Variants in TMOD3 observed in about 807,000 individuals in gnomAD.
TMOD3 encodes tropomodulin-3.
TMOD3 carries 20 observed loss-of-function variants against 39.2 expected under a neutral mutation model. The observed-to-expected ratio is 0.51, with a 90% CI of 0.36 to 0.74. The LOEUF (loss-of-function observed/expected upper bound fraction) is 0.74. Ranked by LOEUF, TMOD3 falls within the 30% of genes least tolerant of loss-of-function variation. The probability of loss-of-function intolerance (pLI) is 0.00; values close to 1 mark genes in which losing one functional copy is unlikely to be tolerated. For missense variants in TMOD3, 381 were observed against 412.8 expected (o/e 0.92, Z 0.67); for synonymous variants, 143 against 145.8 (o/e 0.98, Z 0.14).
chr15:51,834,532 A>G (rs554477774), intron 1 of TMOD3, among the ~76,000 whole-genome samples: 1 of 152,310 alleles, frequency 6.6e-6, no homozygotes, highest in South Asian at 2.1e-4. Context: ...TAGGTTTAAG[A>G]AAAACTTCCC....
At chr15:51,902,873 G>A (rs866145933) in intron 9 of TMOD3, among the ~76,000 whole-genome samples, 4 of 151,434 alleles carry the variant, frequency 2.6e-5, no homozygotes, top group East Asian at 3.9e-4. Flanking sequence ...GGATGGTCTC[G>A]ATCTCCTGAC....
intron 9 of TMOD3, among the ~76,000 whole-genome samples, chr15:51,902,456 T>A (rs2056655649): frequency 1.3e-5 from 2 of 152,054 alleles, no homozygotes; most frequent in African/African-American, 4.8e-5. Context: ...ATAATTATAT[T>A]TCTCACCCAG....
At chr15:51,883,449 GT>G (rs1187132982) in intron 3 of TMOD3, among the ~76,000 whole-genome samples, 6 of 152,034 alleles carry the variant, frequency 3.9e-5, no homozygotes, top group Non-Finnish European at 8.8e-5. Flanking sequence ...TTGATAGCTT[GT>G]TTAGTTTTTT....
At chr15:51,841,799 T>G (rs1474441830) in intron 1 of TMOD3, among the ~76,000 whole-genome samples, 2 of 152,218 alleles carry the variant, frequency 1.3e-5, no homozygotes, top group Non-Finnish European at 2.9e-5. Flanking sequence ...AGATGGAGTC[T>G]CATTCTGTCA....
At chr15:51,846,932 G>A (rs2056338627) in intron 1 of TMOD3, among the ~76,000 whole-genome samples, 1 of 152,158 alleles carries the variant, frequency 6.6e-6, no homozygotes, top group Non-Finnish European at 1.5e-5. Flanking sequence ...GGTATGCTAA[G>A]GGTGTGGCTA....
At chr15:51,860,539 A>G in intron 1 of TMOD3, 1 of 576,020 alleles carries the variant, frequency 1.7e-6, no homozygotes, top group Non-Finnish European at 3.4e-6. Flanking sequence ...TCCATTTCCC[A>G]TTTGGCTGCC....
chr15:51,837,471 A>G (rs1226676159), intron 1 of TMOD3, among the ~76,000 whole-genome samples: 1 of 150,386 alleles, frequency 6.6e-6, no homozygotes, highest in Non-Finnish European at 1.5e-5. Context: ...GTGCTAGACC[A>G]GCTGAGGAGT....
At chr15:51,852,780 A>G (rs1012823317) in intron 1 of TMOD3, among the ~76,000 whole-genome samples, 1 of 152,238 alleles carries the variant, frequency 6.6e-6, no homozygotes, top group African/African-American at 2.4e-5. Flanking sequence ...TGGCAATGGC[A>G]GCCCAGTGGG....
At chr15:51,903,687 G>T (rs1160526551) in intron 9 of TMOD3, among the ~76,000 whole-genome samples, 1 of 152,154 alleles carries the variant, frequency 6.6e-6, no homozygotes, top group East Asian at 1.9e-4. Flanking sequence ...TCACTAGTTA[G>T]CTTCTATTTT....
Position 51,862,841 on chromosome 15 carries a change from T to G in TMOD3, c.-44T>G. ...AGAAAAAGTAGAGATCACTTCTGAC[T>G]GTACTGAACAGCAAAAATTAAGTGA... On this transcript the variant is annotated 5_prime_UTR_variant, in exon 2 of 10. Transcript: ENST00000308580. The G allele has an allele frequency of 6.3e-7, 1 of 1,578,948 alleles. No homozygotes were observed. The highest frequency in any genetic ancestry group is 8.6e-7 in the Non-Finnish European group (1 of 1,166,520).
intron 6 of TMOD3, among the ~76,000 whole-genome samples, chr15:51,894,563 C>G (rs2056611603): frequency 6.6e-6 from 1 of 152,286 alleles, no homozygotes; most frequent in South Asian, 2.1e-4. Context: ...TCTCATACCC[C>G]TTTGTAGTCA....
At chr15:51,892,481 G>A (rs1488978212) in intron 5 of TMOD3, 2 of 152,226 alleles carry the variant, frequency 1.3e-5, no homozygotes, top group African/African-American at 4.8e-5. Context: ...GTGGGTAGCT[G>A]AGGTAAAGAT....
At chr15:51,902,642 G>GTTTTTTTTTTTTTTTTTTTTTTTTTTT (rs1286780618) in intron 9 of TMOD3, among the ~76,000 whole-genome samples, 1 of 63,354 alleles carries the variant, frequency 1.6e-5, no homozygotes, top group Non-Finnish European at 2.9e-5. Flanking sequence ...GCTAATTTTT[G>GTTTTTTTTTTTTTTTTTTTTTTTTTTT]TATTTTTTTT....
chr15:51,887,708 G>T lies in TMOD3; in HGVS notation c.403G>T (p.Ala135Ser). ...TTCTGATACAGAATTGTGTGACCTC[G>T]CAGGTATCACCTAAAACAAGTTAAT... ...SASDTELCDL[A>S]AILGMHNLIT... Residue 135 changes from alanine (A) to serine (S), a missense_variant, in exon 4 of 10, where the codon GCA becomes TCA. Physicochemically the swap from Ala to Ser is moderately conservative, Grantham distance 99. Coordinates refer to ENST00000308580, the MANE Select transcript of TMOD3 (RefSeq NM_014547.5). The T allele has an allele frequency of 2.5e-6, 4 of 1,613,466 alleles. No homozygotes were observed. The highest frequency in any genetic ancestry group is 3.4e-6 in the Non-Finnish European group (4 of 1,179,848).
chr15:51,839,039 G>A (rs1366682146), intron 1 of TMOD3, among the ~76,000 whole-genome samples: 1 of 152,192 alleles, frequency 6.6e-6, no homozygotes, highest in Non-Finnish European at 1.5e-5. Flanking sequence ...CCCACACAAG[G>A]AGGTTTGGGG....
chr15:51,904,281 T>C (rs1595913890), intron 9 of TMOD3, among the ~76,000 whole-genome samples: 2 of 152,252 alleles, frequency 1.3e-5, no homozygotes, highest in Non-Finnish European at 2.9e-5. Context: ...TATGTAGTAG[T>C]CTTACTTCCA....
At chr15:51,859,604 C>T in intron 1 of TMOD3, 2 of 571,980 alleles carry the variant, frequency 3.5e-6, no homozygotes, top group Non-Finnish European at 6.7e-6. Context: ...TAAAGATTGC[C>T]TCGGTGTCTT....
intron 3 of TMOD3, among the ~76,000 whole-genome samples, chr15:51,883,073 A>C (rs930734610): frequency 4.6e-5 from 7 of 152,172 alleles, no homozygotes; most frequent in African/African-American, 1.7e-4. Flanking sequence ...TTTGTATTTT[A>C]AAAAACACAA....
chr15:51,908,935 T>C lies in TMOD3; in HGVS notation c.*125T>C. The stretch of plus-strand genomic sequence containing the variant: ...GAAAAATTTTTTTAGTGACATGCAT[T>C]TTTTTTTTAGTTGTTATCAAATTGT... On this transcript the variant is annotated 3_prime_UTR_variant, in exon 10 of 10. Coordinates refer to ENST00000308580, the MANE Select transcript of TMOD3 (RefSeq NM_014547.5). 1 of 533,420 alleles carries C rather than the reference T, an allele frequency of 1.9e-6. No homozygotes were observed. Among genetic ancestry groups the C allele is most frequent in the Non-Finnish European group, 3.2e-6 (1 of 311,748 alleles). 33.0% of individuals were successfully genotyped at this position (533,420 alleles called of 1,614,324 possible).
Sources: gnomAD v4.1 joint callset for allele counts (sites outside exome capture counted in the v4.1 genomes callset) on GRCh38, gnomAD v4.1.1 for gene constraint, MANE v1.5 for transcripts, NCBI Gene and HGNC (gene_info 2026-07-23, HGNC 2026-07-21) for gene names.